SYNRG: variants seen among roughly 807,000 people sequenced by gnomAD.
SYNRG encodes synergin gamma, also known as AP1 gamma subunit binding protein 1.
A neutral mutation model predicts 130.9 loss-of-function variants in SYNRG; 37 were observed. That is an observed-to-expected ratio of 0.28 (90% confidence interval 0.22 to 0.37). SYNRG has a LOEUF of 0.37. Ranked by LOEUF, SYNRG falls within the 10% of genes least tolerant of loss-of-function variation. SYNRG has a pLI of 1.00. For synonymous variants in SYNRG, 539 were observed against 568.1 expected (o/e 0.95, Z 0.73); for missense variants, 1,338 against 1,588.9 (o/e 0.84, Z 2.68).
chr17:37,583,786 C>A (rs556229508), intron 6 of SYNRG, among the ~76,000 whole-genome samples: 9 of 152,216 alleles, frequency 5.9e-5, no homozygotes, highest in African/African-American at 2.2e-4. Flanking sequence ...CCTCCGCCTC[C>A]CAGGTTCAAG....
At chr17:37,583,379 T>C (rs1393047217) in intron 6 of SYNRG, among the ~76,000 whole-genome samples, 1 of 152,230 alleles carries the variant, frequency 6.6e-6, no homozygotes, top group African/African-American at 2.4e-5. Context: ...ATTGCTAATA[T>C]CTGTTTTCTT....
chr17:37,575,102 CAACTG>C (rs1330663667), intron 8 of SYNRG, among the ~76,000 whole-genome samples: 1 of 151,646 alleles, frequency 6.6e-6, no homozygotes, highest in Non-Finnish European at 1.5e-5. Flanking sequence ...AAAATTAAAA[CAACTG>C]AACTCATGGA....
chr17:37,605,714 T>G, intron 1 of SYNRG: 1 of 665,404 alleles, frequency 1.5e-6, no homozygotes, highest in Non-Finnish European at 1.9e-6. Context: ...AGTAAAAGCT[T>G]GGCAAAAAAC....
In SYNRG at chr17:37,580,510, T is replaced by TGTGTGTGTGTGTGAGA. The variant is rs1384344164; in HGVS notation, c.590-2898_590-2897insTCTCACACACACACAC. Among the ~76,000 whole-genome samples the TGTGTGTGTGTGTGAGA allele has an allele frequency of 5.2e-4, 66 of 127,712 alleles. 2 individuals carry two copies. Among genetic ancestry groups the TGTGTGTGTGTGTGAGA allele is most frequent in the Middle Eastern group, 3.7e-3 (1 of 268 alleles). The allele number at this position is 127,712 out of a possible 152,430, so 83.8% of individuals were successfully genotyped here. A position where few individuals can be genotyped will look rare whatever the true frequency, so the allele number is the denominator to read the frequency against. Reference sequence around the variant, plus strand: ...GTGTGTGTGTGTGTGTGTGTGTGTGTGAGAGAGAGAGAGAGAGAGAGAGAG... The same window carrying TGTGTGTGTGTGTGAGA: ...GTGTGTGTGTGTGTGTGTGTGTGTGTGTGTGTGTGTGTGAGAGAGAGAGAGAGAGAGAGAGAGAGAG... On this transcript the variant is annotated intron_variant, in intron 6 of 21. Transcript: ENST00000612223.
At chr17:37,548,391 A>T (rs1006475429) in intron 14 of SYNRG, among the ~76,000 whole-genome samples, 20 of 152,224 alleles carry the variant, frequency 1.3e-4, no homozygotes, top group Admixed American at 1.3e-3. Context: ...TATGCTCTGG[A>T]AAGTGCTGTA....
At chr17:37,600,319 A>T (rs2063154799) in intron 2 of SYNRG, 44 bp downstream of exon 2, 1 of 1,518,878 alleles carries the variant, frequency 6.6e-7, no homozygotes, top group Non-Finnish European at 8.8e-7. Flanking sequence ...ATTCAGAAAC[A>T]CAAGAGTGAA....
intron 10 of SYNRG, 84 bp from the exon 11 acceptor site, chr17:37,569,008 G>T: frequency 6.8e-7 from 1 of 1,472,088 alleles, no homozygotes; most frequent in Non-Finnish European, 9.2e-7. Flanking sequence ...CTCAAAGACT[G>T]CCTTTAAAAT....
intron 14 of SYNRG, among the ~76,000 whole-genome samples, chr17:37,551,877 A>C (rs1347001074): frequency 2.1e-5 from 3 of 139,922 alleles, no homozygotes; most frequent in Admixed American, 1.4e-4. Context: ...GAAAAGTACA[A>C]AAAAAAAAAA....
chr17:37,540,198 G>A (rs1471973266), intron 16 of SYNRG, among the ~76,000 whole-genome samples, 182 bp downstream of exon 16: 1 of 152,114 alleles, frequency 6.6e-6, no homozygotes, highest in African/African-American at 2.4e-5. Flanking sequence ...GCCACACCTG[G>A]GAAATGTTTT....
chr17:37,533,448 T>G (rs1245579355), intron 19 of SYNRG, among the ~76,000 whole-genome samples: 1 of 149,338 alleles, frequency 6.7e-6, no homozygotes, highest in Non-Finnish European at 1.5e-5. Flanking sequence ...CAGAATAGAT[T>G]GCTAGGAGAT....
chr17:37,564,087 G>A (rs1598370971), intron 11 of SYNRG, among the ~76,000 whole-genome samples: 1 of 152,008 alleles, frequency 6.6e-6, no homozygotes, highest in Middle Eastern at 3.4e-3. Context: ...GACCTCAGAT[G>A]ATGTCTGCCT....
intron 11 of SYNRG, among the ~76,000 whole-genome samples, chr17:37,564,283 G>A (rs1306691521): frequency 2.0e-5 from 3 of 152,162 alleles, no homozygotes; most frequent in African/African-American, 4.8e-5. Context: ...AGGCCCTTCA[G>A]GTCTTATGTG....
At chr17:37,580,510 T>TGTGTGTGTGTGTGTGTGTGTGTGTGAGA (rs1384344164) in intron 6 of SYNRG, among the ~76,000 whole-genome samples, 7 of 127,718 alleles carry the variant, frequency 5.5e-5, no homozygotes, top group African/African-American at 2.2e-4. Flanking sequence ...TGTGTGTGTG[T>TGTGTGTGTGTGTGTGTGTGTGTGTGAGA]GAGAGAGAGA....
chr17:37,562,877 T>G (rs558202563), intron 11 of SYNRG, among the ~76,000 whole-genome samples: 1 of 152,338 alleles, frequency 6.6e-6, no homozygotes, highest in South Asian at 2.1e-4. Flanking sequence ...GATTTCTTTA[T>G]TTTTCATGAC....
At chr17:37,591,373 T>C (rs1445128160) in intron 3 of SYNRG, among the ~76,000 whole-genome samples, 2 of 152,226 alleles carry the variant, frequency 1.3e-5, no homozygotes, top group Non-Finnish European at 2.9e-5. Flanking sequence ...CATATTGATA[T>C]GTTGGAAGAC....
rs1399953025 is a variant in SYNRG at position 37,517,554 on chromosome 17, A to G, written c.*1386T>C. The stretch of plus-strand genomic sequence containing the variant: ...AACAGCTGTTTAATGAAAATGTTCC[A>G]CACCTTTCTTGGAGAACATGGAAAA... On this transcript the variant is annotated 3_prime_UTR_variant, in exon 22 of 22. Transcript: ENST00000612223. 6.6e-6 allele frequency: 1 copy of G among 152,006 alleles called. No homozygotes were observed. The highest frequency in any genetic ancestry group is 2.4e-5 in the African/African-American group (1 of 41,364). 9.4% of individuals were successfully genotyped at this position (152,006 alleles called of 1,614,324 possible). A position where few individuals can be genotyped will look rare whatever the true frequency, so the allele number is the denominator to read the frequency against.
In SYNRG at chr17:37,517,602, A is replaced by C. The variant is rs1160082002; in HGVS notation, c.*1338T>G. On this transcript the variant is annotated 3_prime_UTR_variant, in exon 22 of 22. Transcript: ENST00000612223. ...AAAGCTGTAAGATGGAGCAAGACAG[A>C]ATTTGTCCTGAGAGGGGAAAATAAA... The C allele has an allele frequency of 6.6e-6, 1 of 152,156 alleles. No individual in the cohort carries two copies. Among genetic ancestry groups the C allele is most frequent in the Non-Finnish European group, 1.5e-5 (1 of 68,030 alleles). The allele number at this position is 152,156 out of a possible 1,614,324, so 9.4% of individuals were successfully genotyped here.
At chr17:37,602,411 A>G (rs1249595862) in intron 1 of SYNRG, among the ~76,000 whole-genome samples, 1 of 152,194 alleles carries the variant, frequency 6.6e-6, no homozygotes, top group African/African-American at 2.4e-5. Flanking sequence ...AAAACAACTA[A>G]GGACAAACTT....
At chr17:37,540,632 T>A in intron 15 of SYNRG, 89 bp from the exon 16 acceptor site, 45 of 487,790 alleles carry the variant, frequency 9.2e-5, no homozygotes, top group Middle Eastern at 4.7e-4. Context: ...ACCCTCTTCT[T>A]TTTTTTTTTT....
Sources: gnomAD v4.1 joint callset for allele counts (sites outside exome capture counted in the v4.1 genomes callset) on GRCh38, gnomAD v4.1.1 for gene constraint, MANE v1.5 for transcripts, NCBI Gene and HGNC (gene_info 2026-07-23, HGNC 2026-07-21) for gene names.